TTC23: variants seen among roughly 807,000 people sequenced by gnomAD.
TTC23 encodes tetratricopeptide repeat protein 23.
TTC23 carries 58 observed loss-of-function variants against 55.1 expected under a neutral mutation model. That is an observed-to-expected ratio of 1.05 (90% CI 0.85 to 1.31). TTC23 has a LOEUF of 1.31. Among genes scored for constraint, TTC23 ranks in the 50% most tolerant of loss-of-function variants. The pLI is 0.00. For synonymous variants in TTC23, 203 were observed against 199.9 expected (o/e 1.02, Z -0.13); for missense variants, 516 against 534.4 (o/e 0.97, Z 0.34).
At chr15:99,199,891 C>G in intron 9 of TTC23, 28 bp downstream of exon 9, 1 of 1,591,898 alleles carries the variant, frequency 6.3e-7, no homozygotes, top group Non-Finnish European at 8.5e-7. Flanking sequence ...CCTAGAACAG[C>G]TTTGGTAGCC....
chr15:99,237,392 C>A (rs2079410875), intron 3 of TTC23, among the ~76,000 whole-genome samples: 1 of 151,718 alleles, frequency 6.6e-6, no homozygotes, highest in African/African-American at 2.4e-5. Context: ...GAAAAAAAAC[C>A]CCAAATGTCT....
chr15:99,156,428 C>T, intron 11 of TTC23, 131 bp from the exon 12 acceptor site: 1 of 1,044,116 alleles, frequency 9.6e-7, no homozygotes, highest in Non-Finnish European at 1.4e-6. Context: ...TGTATTAGTC[C>T]ATTCTCATGC....
intron 5 of TTC23, among the ~76,000 whole-genome samples, chr15:99,226,269 C>G (rs933101387): frequency 2.0e-5 from 3 of 151,768 alleles, no homozygotes; most frequent in African/African-American, 7.3e-5. Flanking sequence ...CATTAATTTC[C>G]TAATTACGAT....
chr15:99,219,772 C>G (rs2077765469), intron 6 of TTC23, among the ~76,000 whole-genome samples: 2 of 152,134 alleles, frequency 1.3e-5, no homozygotes, highest in African/African-American at 4.8e-5. Context: ...CCATCCTCCT[C>G]CCCTACACCG....
At chr15:99,237,998 C>G (rs1343458125) in intron 3 of TTC23, among the ~76,000 whole-genome samples, 2 of 152,200 alleles carry the variant, frequency 1.3e-5, no homozygotes, top group Non-Finnish European at 2.9e-5. Flanking sequence ...CGGAGTCTCA[C>G]TCTGTCACCC....
At chr15:99,174,417 CT>C (rs2073295670) in intron 10 of TTC23, among the ~76,000 whole-genome samples, 1 of 151,224 alleles carries the variant, frequency 6.6e-6, no homozygotes, top group African/African-American at 2.4e-5. Context: ...GAATACACCC[CT>C]AGGTCTTCTT....
intron 11 of TTC23, among the ~76,000 whole-genome samples, chr15:99,161,295 C>A: frequency 6.6e-6 from 1 of 152,134 alleles, no homozygotes; most frequent in East Asian, 1.9e-4. Context: ...CTGGGTCTTG[C>A]TCTATTTTCA....
intron 8 of TTC23, among the ~76,000 whole-genome samples, chr15:99,203,563 C>G (rs1205846420): frequency 6.6e-6 from 1 of 152,022 alleles, no homozygotes; most frequent in African/African-American, 2.4e-5. Context: ...AACATTAGGT[C>G]TTATTCCCAT....
intron 5 of TTC23, among the ~76,000 whole-genome samples, chr15:99,227,733 T>C (rs2078577615): frequency 6.6e-6 from 1 of 152,228 alleles, no homozygotes; most frequent in Non-Finnish European, 1.5e-5. Context: ...CCAGACAGAC[T>C]GCACTCCCTC....
At chr15:99,163,295 T>C (rs1210565211) in intron 10 of TTC23, among the ~76,000 whole-genome samples, 1 of 152,140 alleles carries the variant, frequency 6.6e-6, no homozygotes, top group Non-Finnish European at 1.5e-5. Flanking sequence ...AGGGATATAG[T>C]GGAAGGACCT....
chr15:99,146,798 G>C lies in TTC23; in HGVS notation c.1144-7399C>G, dbSNP rs997025017. ...CTGTGCCTGGGTGCCATAGCTGGGC[G>C]GGCCCAACCTCAGGAGGGTGCCTTT... On this transcript the variant is annotated intron_variant, in intron 12 of 13. Transcript: ENST00000394132. 1.1e-4 allele frequency among the ~76,000 whole-genome samples: 17 copies of C among 152,258 alleles called. 1 individual carries two copies. The highest frequency in any genetic ancestry group is 9.2e-4 in the Admixed American group (14 of 15,284).
intron 5 of TTC23, among the ~76,000 whole-genome samples, chr15:99,227,216 T>C (rs1461549809): frequency 6.6e-6 from 1 of 152,198 alleles, no homozygotes; most frequent in African/African-American, 2.4e-5. Context: ...GTTATACTGA[T>C]GAAGGTCATG....
intron 5 of TTC23, among the ~76,000 whole-genome samples, chr15:99,227,305 A>C (rs924529542): frequency 1.3e-5 from 2 of 152,056 alleles, no homozygotes; most frequent in Non-Finnish European, 2.9e-5. Context: ...TCACTCTCAC[A>C]TCTCCATTCC....
chr15:99,178,036 G>A (rs975056909), intron 9 of TTC23, among the ~76,000 whole-genome samples: 1 of 152,098 alleles, frequency 6.6e-6, no homozygotes, highest in African/African-American at 2.4e-5. Flanking sequence ...AAAAAAATTA[G>A]CCAGGGGTGG....
At chr15:99,178,745 T>C (rs1201105656) in intron 9 of TTC23, among the ~76,000 whole-genome samples, 1 of 152,214 alleles carries the variant, frequency 6.6e-6, no homozygotes, top group Non-Finnish European at 1.5e-5. Context: ...GAGATTGGCC[T>C]GTACTCAATC....
At chr15:99,146,676 A>G (rs1292297785) in intron 12 of TTC23, among the ~76,000 whole-genome samples, 1 of 152,218 alleles carries the variant, frequency 6.6e-6, no homozygotes, top group East Asian at 1.9e-4. Context: ...CTGATGTTTG[A>G]GGAGCTTTTC....
chr15:99,225,392 C>A (rs1047503573), intron 5 of TTC23, among the ~76,000 whole-genome samples: 1 of 152,118 alleles, frequency 6.6e-6, no homozygotes, highest in Non-Finnish European at 1.5e-5. Flanking sequence ...ACCTGGTCCC[C>A]TCAGTTTAAA....
chr15:99,172,125 C>A (rs1457304386), intron 10 of TTC23, among the ~76,000 whole-genome samples: 2 of 151,738 alleles, frequency 1.3e-5, no homozygotes, highest in Admixed American at 1.3e-4. Flanking sequence ...TCAAGTGACT[C>A]TCATGCCTCA....
chr15:99,191,579 T>C (rs2924346), intron 9 of TTC23, among the ~76,000 whole-genome samples: 122,768 of 152,222 alleles, frequency 0.81, 49,825 homozygotes, highest in East Asian at 0.94. Flanking sequence ...CTGCCATCCA[T>C]GTAAGACATG....
Sources: allele counts gnomAD v4.1 joint callset (sites outside exome capture counted in the v4.1 genomes callset), GRCh38; gene constraint gnomAD v4.1.1; transcripts MANE v1.5; gene names NCBI Gene and HGNC (gene_info 2026-07-23, HGNC 2026-07-21).